CSMD3: variants seen among roughly 807,000 people sequenced by gnomAD.
CSMD3 encodes the protein CUB and sushi domain-containing protein 3.
A neutral mutation model predicts 435.2 loss-of-function variants in CSMD3; 177 were observed. The observed-to-expected ratio is 0.41, with a 90% confidence interval of 0.36 to 0.46. The LOEUF (loss-of-function observed/expected upper bound fraction) is 0.46. Among genes scored for constraint, CSMD3 ranks in the 20% least tolerant of loss-of-function variants. CSMD3 has a pLI of 0.34. For missense variants in CSMD3, 4,265 were observed against 4,504.6 expected (o/e 0.95, Z 1.52); for synonymous variants, 1,656 against 1,520.5 (o/e 1.09, Z -2.07).
chr8:113,079,934 A>G (rs1564289342), intron 5 of CSMD3, among the ~76,000 whole-genome samples: 1 of 151,972 alleles, frequency 6.6e-6, no homozygotes, highest in Non-Finnish European at 1.5e-5. Context: ...GTATTTTTAA[A>G]TGTTTGTTTG....
chr8:112,689,161 T>C (rs1442076955), intron 14 of CSMD3, among the ~76,000 whole-genome samples: 1 of 152,034 alleles, frequency 6.6e-6, no homozygotes, highest in Non-Finnish European at 1.5e-5. Context: ...TTTCCTCTTC[T>C]AGACTTCCTG....
chr8:113,416,180 A>G (rs1004716389), intron 1 of CSMD3, among the ~76,000 whole-genome samples: 28 of 152,108 alleles, frequency 1.8e-4, no homozygotes, highest in Non-Finnish European at 3.1e-4. Context: ...AAATCTTACT[A>G]TGTCAATTTT....
At chr8:112,682,223 C>G (rs545608721) in intron 16 of CSMD3, among the ~76,000 whole-genome samples, 1 of 151,708 alleles carries the variant, frequency 6.6e-6, no homozygotes, top group African/African-American at 2.4e-5. Context: ...TTAATAAGAG[C>G]TTTTTTTAAA....
chr8:112,735,006 T>C (rs938465143), intron 13 of CSMD3, among the ~76,000 whole-genome samples: 5 of 151,992 alleles, frequency 3.3e-5, no homozygotes, highest in Admixed American at 3.3e-4. Flanking sequence ...TCTCTATTTG[T>C]CTCTTGTTTT....
intron 53 of CSMD3, among the ~76,000 whole-genome samples, chr8:112,299,446 T>C (rs1426927852): frequency 6.6e-6 from 1 of 152,140 alleles, no homozygotes; most frequent in Non-Finnish European, 1.5e-5. Context: ...TACTGATGTT[T>C]ACAACTTATT....
At chr8:112,406,820 T>G (rs1276811083) in intron 34 of CSMD3, 93 bp from the exon 35 acceptor site, 1 of 686,348 alleles carries the variant, frequency 1.5e-6, no homozygotes, top group Non-Finnish European at 2.3e-6. Flanking sequence ...TGAGAAATCA[T>G]CACTTTTTAT....
intron 13 of CSMD3, among the ~76,000 whole-genome samples, chr8:112,701,670 G>A (rs1368185201): frequency 6.6e-6 from 1 of 152,108 alleles, no homozygotes; most frequent in Non-Finnish European, 1.5e-5. Flanking sequence ...AAGGTAACTT[G>A]GGAACTATTT....
At position 112,311,819 on chromosome 8, in the gene CSMD3, C is replaced by G. The variant is rs561140578; in HGVS notation, c.7697-653G>C. ...GTACTTTTGAGAATATTCAGCATGG[C>G]AGGTCCCATTTACCTTCTGAAACTT... On this transcript the variant is annotated intron_variant, in intron 49 of 70. Transcript: ENST00000297405. Among the ~76,000 whole-genome samples, 15 of 152,258 alleles carry G rather than the reference C, an allele frequency of 9.9e-5. No individual in the cohort carries two copies. The East Asian group carries it at 2.5e-3, about 26-fold the overall frequency.
intron 40 of CSMD3, among the ~76,000 whole-genome samples, chr8:112,350,947 A>C (rs1269671459): frequency 1.3e-5 from 2 of 152,028 alleles, no homozygotes; most frequent in Admixed American, 1.3e-4. Flanking sequence ...ACTGATACTG[A>C]AGTTGAGGAT....
chr8:113,035,662 A>G (rs2087315420), intron 5 of CSMD3, among the ~76,000 whole-genome samples: 1 of 151,994 alleles, frequency 6.6e-6, no homozygotes, highest in Admixed American at 6.6e-5. Context: ...ACATCTAAGA[A>G]AAAAATAATT....
At chr8:112,479,225 G>A (rs912551680) in intron 31 of CSMD3, among the ~76,000 whole-genome samples, 5 of 152,160 alleles carry the variant, frequency 3.3e-5, no homozygotes, top group African/African-American at 1.2e-4. Flanking sequence ...AGAAAATATC[G>A]TACATCACTA....
At chr8:112,225,229 T>C (rs1042807076) in intron 70 of CSMD3, among the ~76,000 whole-genome samples, 1 of 152,160 alleles carries the variant, frequency 6.6e-6, no homozygotes, top group Non-Finnish European at 1.5e-5. Flanking sequence ...TTATGACTTA[T>C]CATTTATAGT....
intron 9 of CSMD3, among the ~76,000 whole-genome samples, chr8:112,932,473 C>A (rs535305467): frequency 6.6e-6 from 1 of 152,212 alleles, no homozygotes; most frequent in South Asian, 2.1e-4. Flanking sequence ...GTCTCAGTCT[C>A]CTGACCTCAT....
chr8:113,000,735 G>A (rs1836905540), intron 6 of CSMD3, among the ~76,000 whole-genome samples: 1 of 151,922 alleles, frequency 6.6e-6, no homozygotes, highest in African/African-American at 2.4e-5. Flanking sequence ...GTCTTTGGGG[G>A]AAATCATTAA....
chr8:112,941,182 G>T (rs1052952612), intron 9 of CSMD3, among the ~76,000 whole-genome samples: 3 of 151,756 alleles, frequency 2.0e-5, no homozygotes, highest in Admixed American at 2.0e-4. Flanking sequence ...AAAACGCTAA[G>T]ATATAACATT....
intron 3 of CSMD3, among the ~76,000 whole-genome samples, chr8:113,243,998 G>T (rs2093249071): frequency 6.6e-6 from 1 of 152,020 alleles, no homozygotes; most frequent in African/African-American, 2.4e-5. Context: ...TTATAGTATA[G>T]ACTTGTATCT....
chr8:113,234,370 C>T (rs1228108922), intron 3 of CSMD3, among the ~76,000 whole-genome samples: 4 of 152,056 alleles, frequency 2.6e-5, no homozygotes, highest in Non-Finnish European at 5.9e-5. Flanking sequence ...TGTCAGCCTG[C>T]ACAATAGATA....
intron 58 of CSMD3, among the ~76,000 whole-genome samples, chr8:112,282,269 T>C (rs1032558124): frequency 6.6e-6 from 1 of 152,010 alleles, no homozygotes; most frequent in Non-Finnish European, 1.5e-5. Context: ...TATGTGTGTG[T>C]ATGCATGTGT....
Position 112,241,792 on chromosome 8 carries a change from A to T in CSMD3, c.10403-7T>A, listed in dbSNP as rs369526646. 1.9e-6 allele frequency: 3 copies of T among 1,605,064 alleles called. No homozygotes were observed. The highest frequency in any genetic ancestry group is 1.7e-6 in the Non-Finnish European group (2 of 1,172,000). On this transcript the variant is annotated splice_region_variant and splice_polypyrimidine_tract_variant and intron_variant, in intron 65 of 70. Coordinates refer to ENST00000297405, the MANE Select transcript of CSMD3 (RefSeq NM_198123.2). ...ACCAATATTTTAGAACCAGCTATGA[A>T]AAGAAATAAAGGTGTTTACAAAAGT... is the stretch of plus-strand genomic sequence containing the variant.
Sources: allele counts gnomAD v4.1 joint callset (sites outside exome capture counted in the v4.1 genomes callset), GRCh38; gene constraint gnomAD v4.1.1; transcripts MANE v1.5; gene names NCBI Gene and HGNC (gene_info 2026-07-23, HGNC 2026-07-21).